NRDC: variants seen among roughly 807,000 people sequenced by gnomAD.
NRDC encodes the protein nardilysin.
A neutral mutation model predicts 147.1 loss-of-function variants in NRDC; 54 were observed. The ratio of observed to expected loss-of-function variants is 0.37; its 90% confidence interval spans 0.29 to 0.46. The LOEUF is 0.46. Among genes scored for constraint, NRDC ranks in the 20% least tolerant of loss-of-function variants. The pLI is 1.00. For synonymous variants in NRDC, 440 were observed against 482.1 expected (o/e 0.91, Z 1.14); for missense variants, 1,082 against 1,370.6 (o/e 0.79, Z 3.33).
chr1:51,876,323 A>AT (rs1349595213), intron 1 of NRDC, among the ~76,000 whole-genome samples: 3 of 152,108 alleles, frequency 2.0e-5, no homozygotes, highest in Non-Finnish European at 2.9e-5. Context: ...CAAATTTTGG[A>AT]TTTTTTTGGA....
At chr1:51,837,646 AT>A (rs758928062) in intron 2 of NRDC, 109 of 1,469,448 alleles carry the variant, frequency 7.4e-5, no homozygotes, top group Non-Finnish European at 9.3e-5. Context: ...ATACTTGAGA[AT>A]TTTCTACCTA....
intron 4 of NRDC, among the ~76,000 whole-genome samples, chr1:51,833,121 T>C (rs2149217183): frequency 6.6e-6 from 1 of 152,312 alleles, no homozygotes; most frequent in African/African-American, 2.4e-5. Context: ...GAGGCAATCT[T>C]ATCCCTTTTT....
chr1:51,870,937 T>C (rs1004181459), intron 1 of NRDC, among the ~76,000 whole-genome samples: 1 of 152,034 alleles, frequency 6.6e-6, no homozygotes, highest in African/African-American at 2.4e-5. Context: ...AAACTCTCTC[T>C]TGCTACAATG....
chr1:51,794,654 T>A (rs1352095018), intron 23 of NRDC, 44 bp from the exon 24 acceptor site: 1 of 1,608,072 alleles, frequency 6.2e-7, no homozygotes, highest in African/African-American at 1.3e-5. Flanking sequence ...CCAAAAACTA[T>A]AAGAAGCTAG....
At chr1:51,790,128 A>G (rs2149181531) in intron 29 of NRDC, among the ~76,000 whole-genome samples, 1 of 152,344 alleles carries the variant, frequency 6.6e-6, no homozygotes, top group South Asian at 2.1e-4. Flanking sequence ...ACTGGAGTAC[A>G]AGATCCAGAT....
At chr1:51,790,487 G>A (rs1177331498) in intron 29 of NRDC, 46 bp downstream of exon 29, 1 of 1,221,368 alleles carries the variant, frequency 8.2e-7, no homozygotes, top group Admixed American at 1.7e-5. Flanking sequence ...TGTAGAATCA[G>A]GAACCTTGAC....
chr1:51,801,007 G>C, intron 20 of NRDC: 1 of 189,918 alleles, frequency 5.3e-6, no homozygotes, highest in Non-Finnish European at 1.1e-5. Flanking sequence ...ACCATGCCCG[G>C]CTAATTTTTT....
At chr1:51,848,679 AT>A (rs566240944) in intron 1 of NRDC, among the ~76,000 whole-genome samples, 3 of 152,180 alleles carry the variant, frequency 2.0e-5, no homozygotes, top group African/African-American at 7.2e-5. Context: ...TCAAAGTAAG[AT>A]TTTTTTAAAA....
At chr1:51,831,171 A>C (rs1356831532) in intron 4 of NRDC, among the ~76,000 whole-genome samples, 1 of 152,180 alleles carries the variant, frequency 6.6e-6, no homozygotes, top group Non-Finnish European at 1.5e-5. Flanking sequence ...CTTGTACAAA[A>C]CATATTTAGA....
chr1:51,877,412 G>C (rs1443114711), intron 1 of NRDC, among the ~76,000 whole-genome samples: 1 of 152,118 alleles, frequency 6.6e-6, no homozygotes, highest in African/African-American at 2.4e-5. Context: ...TGTAATCCCA[G>C]TACTTTGGGA....
chr1:51,835,515 G>A (rs1410337852), intron 3 of NRDC, among the ~76,000 whole-genome samples: 10 of 131,490 alleles, frequency 7.6e-5, no homozygotes, highest in Non-Finnish European at 3.1e-5. Flanking sequence ...CACCCAAGCT[G>A]GAGTACAGTG....
intron 21 of NRDC, 135 bp downstream of exon 21, chr1:51,800,421 C>T: frequency 1.0e-6 from 1 of 959,654 alleles, no homozygotes; most frequent in South Asian, 1.7e-5. Flanking sequence ...ATGCACGGGT[C>T]TCCTAAACTA....
intron 1 of NRDC, among the ~76,000 whole-genome samples, chr1:51,876,146 T>C (rs959986392): frequency 1.3e-5 from 2 of 151,406 alleles, no homozygotes; most frequent in African/African-American, 4.9e-5. Context: ...ATATTAGTTA[T>C]TATATAACTT....
intron 7 of NRDC, among the ~76,000 whole-genome samples, chr1:51,823,074 T>C (rs1680277562): frequency 6.6e-6 from 1 of 152,194 alleles, no homozygotes; most frequent in Non-Finnish European, 1.5e-5. Flanking sequence ...CTTCCATGAT[T>C]TCCTTAATGA....
At chr1:51,837,528 G>A (rs532678258) in intron 2 of NRDC, 5 of 1,589,440 alleles carry the variant, frequency 3.1e-6, no homozygotes, top group South Asian at 1.1e-5. Context: ...TTCTTGTCTC[G>A]ACCAGCAGGG....
chr1:51,858,471 TAAAAAA>T (rs79682328), intron 1 of NRDC, among the ~76,000 whole-genome samples: 1 of 122,026 alleles, frequency 8.2e-6, no homozygotes, highest in African/African-American at 3.1e-5. Context: ...ACCCTGTCTT[TAAAAAA>T]AAAAAAAAAA....
intron 24 of NRDC, among the ~76,000 whole-genome samples, chr1:51,793,271 C>T (rs143204604): frequency 1.0e-3 from 155 of 152,228 alleles, no homozygotes; most frequent in African/African-American, 3.5e-3. Flanking sequence ...GAAATCCTGC[C>T]GAAAATGAGT....
chr1:51,796,736 T>C (rs1404009913), intron 22 of NRDC, among the ~76,000 whole-genome samples: 1 of 151,296 alleles, frequency 6.6e-6, no homozygotes, highest in African/African-American at 2.4e-5. Context: ...TACAGGCATG[T>C]GCCACCAAGC....
chr1:51,867,063 C>T (rs1490418311), intron 1 of NRDC, among the ~76,000 whole-genome samples: 1 of 152,098 alleles, frequency 6.6e-6, no homozygotes, highest in African/African-American at 2.4e-5. Flanking sequence ...TAACCTCAAA[C>T]TCCTGGGCTC....
Sources: gnomAD v4.1 joint callset for allele counts (sites outside exome capture counted in the v4.1 genomes callset) on GRCh38, gnomAD v4.1.1 for gene constraint, MANE v1.5 for transcripts, NCBI Gene and HGNC (gene_info 2026-07-23, HGNC 2026-07-21) for gene names.